Variants in LAMA1 observed in about 807,000 individuals in gnomAD.
LAMA1 encodes the protein laminin subunit alpha-1.
A neutral mutation model predicts 348.7 loss-of-function variants in LAMA1; 219 were observed. That is an observed-to-expected ratio of 0.63 (90% CI 0.56 to 0.70). The LOEUF is 0.70. LAMA1 is among the 30% of genes least tolerant of loss of function. The pLI, the probability that LAMA1 is intolerant of heterozygous loss-of-function variation, is 0.00. For synonymous variants in LAMA1, 1,487 were observed against 1,491.0 expected, an observed-to-expected ratio of 1.00 and a Z score of 0.06; for missense variants, 3,744 against 3,888.0, an observed-to-expected ratio of 0.96 and a Z score of 0.99.
At position 7,110,931 on chromosome 18, in the gene LAMA1, TCTG is replaced by T. The variant is rs1208442479; in HGVS notation, c.61+6726_61+6728del. 3.4e-5 allele frequency among the ~76,000 whole-genome samples: 5 copies of T among 147,662 alleles called. No homozygotes were observed. The Admixed American group carries it at 3.4e-4, about 10-fold the overall frequency. On this transcript the variant is annotated intron_variant, in intron 1 of 62. Coordinates refer to ENST00000389658, the MANE Select transcript of LAMA1 (RefSeq NM_005559.4). ...ATTGTTCTCTTTTAACTAAAAATCA[TCTG>T]CTAAATTTAAGCATCTTCTTTAACA...
chr18:7,013,984 C>T lies in LAMA1; in HGVS notation c.3194G>A (p.Cys1065Tyr), dbSNP rs1047394803. ...RCDVVTGHCQ[C>Y]KSKFGGRACD... is the part of the protein sequence containing the mutation. ...GGCCCGGCCACCAAATTTTGACTTG[C>T]ACTGGCAATGGCCGGTGACCACATC... is the stretch of plus-strand genomic sequence containing the variant. Residue 1065 changes from cysteine (C) to tyrosine (Y), a missense_variant, in exon 23 of 63, where the codon TGC becomes TAC. Cys to Tyr is a radical substitution (Grantham distance 194). Transcript: ENST00000389658. The T allele has an allele frequency of 1.2e-6, 2 of 1,613,894 alleles. No individual in the cohort carries two copies. The highest frequency in any genetic ancestry group is 2.2e-5 in the East Asian group (1 of 44,876).
chr18:7,033,974 A>T (rs550075509), intron 14 of LAMA1, among the ~76,000 whole-genome samples: 8 of 152,134 alleles, frequency 5.3e-5, no homozygotes, highest in African/African-American at 1.7e-4. Context: ...GACCTCATGC[A>T]ATCCACCTGC....
intron 24 of LAMA1, 121 bp from the exon 25 acceptor site, chr18:7,011,600 T>C (rs2057860968): frequency 1.5e-5 from 15 of 1,029,992 alleles, no homozygotes; most frequent in Middle Eastern, 2.8e-4. Context: ...ACAGAAACAG[T>C]AAAGACTTTT....
chr18:6,982,617 G>A, intron 40 of LAMA1, 27 bp from the exon 41 acceptor site: 4 of 1,591,526 alleles, frequency 2.5e-6, no homozygotes, highest in Non-Finnish European at 2.6e-6. Flanking sequence ...CTTAAGCGTG[G>A]TGAGAGCAGG....
Position 6,985,609 on chromosome 18 carries a change from A to C in LAMA1, c.5414T>G (p.Leu1805Arg). 3.1e-6 allele frequency: 5 copies of C among 1,614,138 alleles called. No homozygotes were observed. Among genetic ancestry groups the C allele is most frequent in the Non-Finnish European group, 4.2e-6 (5 of 1,179,998 alleles). The change falls in exon 38 of 63, where the codon CTG (leucine) becomes CGG (arginine). Residue 1805 changes from leucine to arginine, a missense_variant. Coordinates refer to ENST00000389658, the MANE Select transcript of LAMA1 (RefSeq NM_005559.4). ...KKLHVQEEQN[L>R]TSELIVQGRG... is the part of the protein sequence containing the mutation. ...TCCTTGGACAATGAGCTCTGAGGTC[A>C]GATTTTGTTCTTCTTGAACATGCAG...
intron 1 of LAMA1, among the ~76,000 whole-genome samples, chr18:7,107,775 G>C (rs1351192050): frequency 7.9e-5 from 12 of 152,212 alleles, no homozygotes; most frequent in African/African-American, 2.6e-4. Context: ...AGCACTTTGG[G>C]AGGCTGAGGC....
chr18:6,943,615 G>A lies in LAMA1; in HGVS notation c.8845-213C>T, dbSNP rs375053518. On this transcript the variant is annotated intron_variant, in intron 61 of 62. Transcript: ENST00000389658. ...TGTAATCCTGGCATTTTAGGAGGCC[G>A]AGGCAGGCGGATCACCTGAGGTCAG... Among the ~76,000 whole-genome samples, 44 of 152,212 alleles carry A rather than the reference G, an allele frequency of 2.9e-4. No homozygotes were observed. The South Asian group carries it at 5.6e-3, about 19-fold the overall frequency.
chr18:7,009,228 G>C lies in LAMA1; in HGVS notation c.4001+11C>G. ...GAAAATAACGGTCAAAATTCTAGAAGCTCCAAGTACCTGCTCTGCTGTAAT... is the reference window on the plus strand; with the variant it reads ...GAAAATAACGGTCAAAATTCTAGAACCTCCAAGTACCTGCTCTGCTGTAAT... On this transcript the variant is annotated intron_variant, in intron 27 of 62. Transcript: ENST00000389658. 6.2e-7 allele frequency: 1 copy of C among 1,614,064 alleles called. No homozygotes were observed. Among genetic ancestry groups the C allele is most frequent in the Admixed American group, 1.7e-5 (1 of 60,020 alleles).
chr18:7,014,985 T>C (rs1234638733), intron 22 of LAMA1, among the ~76,000 whole-genome samples: 2 of 152,058 alleles, frequency 1.3e-5, no homozygotes, highest in Admixed American at 6.5e-5. Flanking sequence ...TAGCTGGGAC[T>C]ACAGGCGCCC....
intron 8 of LAMA1, chr18:7,042,602 C>T (rs564589543): frequency 1.0e-5 from 3 of 295,936 alleles, no homozygotes; most frequent in Admixed American, 9.2e-5. Context: ...TGGCTGAACA[C>T]GGCCAGGCGT....
chr18:6,948,994 G>T, intron 59 of LAMA1, 107 bp downstream of exon 59: 1 of 1,428,716 alleles, frequency 7.0e-7, no homozygotes. Context: ...CAAGCCCCAG[G>T]TTCAAACAAG....
chr18:6,949,100 C>T lies in LAMA1; in HGVS notation c.8556+1G>A, dbSNP rs764745270. ...ATGTCAGTATGGAAAATGCTGCTTACATTTCCAATTTTCCTGGCCTGGTAC... is the reference window on the plus strand; with the variant it reads ...ATGTCAGTATGGAAAATGCTGCTTATATTTCCAATTTTCCTGGCCTGGTAC... On this transcript the variant is annotated splice_donor_variant, in intron 59 of 62. Transcript: ENST00000389658. LOFTEE classifies it high-confidence loss of function. 1.4e-5 allele frequency: 23 copies of T among 1,614,018 alleles called. No individual in the cohort carries two copies. The highest frequency in any genetic ancestry group is 4.5e-5 in the East Asian group (2 of 44,894).
At chr18:7,054,286 A>G (rs1299860475) in intron 3 of LAMA1, among the ~76,000 whole-genome samples, 1 of 152,192 alleles carries the variant, frequency 6.6e-6, no homozygotes, top group South Asian at 2.1e-4. Context: ...CCTTGTCATA[A>G]GGCTCTGGAC....
chr18:6,953,124 CCTGTGT>C (rs2057557126), intron 57 of LAMA1, among the ~76,000 whole-genome samples: 1 of 149,088 alleles, frequency 6.7e-6, no homozygotes, highest in African/African-American at 2.5e-5. Context: ...GCCATGTCTG[CCTGTGT>C]CCAGCGGATC....
intron 14 of LAMA1, 109 bp from the exon 15 acceptor site, chr18:7,033,204 C>T (rs145214830): frequency 0.017 from 13,751 of 791,260 alleles, 243 homozygotes; most frequent in Middle Eastern, 0.089. Context: ...CAGTGGCTCA[C>T]GCCTGTAATC....
rs1371180256 is a variant in LAMA1 at position 7,008,557 on chromosome 18, T to C, written c.4053A>G (p.Pro1351=). The stretch of plus-strand genomic sequence containing the variant: ...CTAAAAGAGATGCAACCTCTTCTTC[T>C]GGGTGCAGCTTTTCAGCCTTTCTGC... ...EVGRKAEKLH[P]EEEVASLLEN... is the part of the protein sequence containing the mutation. The change falls in exon 28 of 63, where the codon CCA becomes CCG. Residue 1351 remains proline (P), a synonymous_variant. Transcript: ENST00000389658. 3.1e-6 allele frequency: 5 copies of C among 1,613,954 alleles called. No individual in the cohort carries two copies. The South Asian group carries it at 5.5e-5, about 18-fold the overall frequency.
chr18:7,105,629 T>C (rs2058309130), intron 1 of LAMA1, among the ~76,000 whole-genome samples: 1 of 152,142 alleles, frequency 6.6e-6, no homozygotes, highest in Admixed American at 6.5e-5. Context: ...AAAAGGCTCC[T>C]GTGACCTGTC....
chr18:7,059,648 C>T (rs1304992886), intron 3 of LAMA1, among the ~76,000 whole-genome samples: 2 of 152,160 alleles, frequency 1.3e-5, no homozygotes, highest in African/African-American at 2.4e-5. Context: ...GAAGCCTCTC[C>T]TCTCCACAGA....
At chr18:7,024,836 C>A (rs2057935275) in intron 17 of LAMA1, among the ~76,000 whole-genome samples, 1 of 152,204 alleles carries the variant, frequency 6.6e-6, no homozygotes, top group Non-Finnish European at 1.5e-5. Flanking sequence ...GCTGGGTTCC[C>A]CAGCTCGGGT....
Sources: gnomAD v4.1 joint callset for allele counts (sites outside exome capture counted in the v4.1 genomes callset) on GRCh38, gnomAD v4.1.1 for gene constraint, MANE v1.5 for transcripts, NCBI Gene and HGNC (gene_info 2026-07-23, HGNC 2026-07-21) for gene names.